The following NTM variants were observed in gnomAD, a reference collection of about 807,000 sequenced individuals.
NTM encodes the protein neurotrimin, also known as IgLON family member 2.
A neutral mutation model predicts 42.1 loss-of-function variants in NTM; 13 were observed. The ratio of observed to expected loss-of-function variants is 0.31; its 90% CI spans 0.20 to 0.49. NTM has a LOEUF of 0.49. Ranked by LOEUF, NTM falls within the 20% of genes least tolerant of loss-of-function variation. The pLI, the probability that NTM is intolerant of heterozygous loss-of-function variation, is 0.99. For synonymous variants in NTM, 187 were observed against 179.2 expected (o/e 1.04, Z -0.35); for missense variants, 373 against 452.8 (o/e 0.82, Z 1.60).
chr11:132,205,000 C>T (rs1248787242), intron 3 of NTM, among the ~76,000 whole-genome samples: 1 of 152,220 alleles, frequency 6.6e-6, no homozygotes, highest in Non-Finnish European at 1.5e-5. Flanking sequence ...AGTGTCTCTG[C>T]ACGTGGTCTG....
chr11:132,083,309 A>G (rs1174259349), intron 2 of NTM, among the ~76,000 whole-genome samples: 1 of 152,266 alleles, frequency 6.6e-6, no homozygotes, highest in Non-Finnish European at 1.5e-5. Context: ...GTTAAAAACA[A>G]ATAGTGATAG....
intron 1 of NTM, among the ~76,000 whole-genome samples, chr11:131,887,131 TGTAA>T (rs1439883567): frequency 6.6e-6 from 1 of 152,218 alleles, no homozygotes; most frequent in Non-Finnish European, 1.5e-5. Flanking sequence ...CAGATTAGAT[TGTAA>T]GTATTTTTGT....
Position 132,314,556 on chromosome 11 carries a change from A to C in NTM, c.787A>C (p.Ile263Leu), listed in dbSNP as rs1435491977. The C allele has an allele frequency of 6.2e-7, 1 of 1,611,884 alleles. No individual in the cohort carries two copies. The part of the protein sequence containing the change: ...FQWYKDDKRL[I>L]EGKKGVKVEN... ...TTTGTCTTTTGTTTCTCTCAGACTG[A>C]TTGAAGGAAAGAAAGGGGTGAAAGT... The change falls in exon 7 of 9, where the codon ATT becomes CTT. Residue 263 changes from isoleucine (I) to leucine (L), a missense_variant. Ile to Leu is a conservative substitution (Grantham distance 5). Around this residue, in one of 3 missense-constraint regions of NTM, gnomAD observed 312 missense variants for 353.5 expected, o/e 0.88. Coordinates refer to ENST00000683400, the MANE Select transcript of NTM (RefSeq NM_001352005.2).
chr11:132,125,939 AAGAG>A (rs1475450262), intron 2 of NTM, among the ~76,000 whole-genome samples: 1 of 151,042 alleles, frequency 6.6e-6, no homozygotes, highest in Non-Finnish European at 1.5e-5. Context: ...GTGTGTGTGT[AAGAG>A]AGATCAACAG....
intron 1 of NTM, among the ~76,000 whole-genome samples, chr11:131,374,864 C>G (rs116558547): frequency 6.6e-5 from 10 of 152,122 alleles, no homozygotes; most frequent in Non-Finnish European, 1.2e-4. Flanking sequence ...TTGTAATGCT[C>G]TTGCCATTCA....
At chr11:132,100,771 C>T (rs1269662086) in intron 2 of NTM, among the ~76,000 whole-genome samples, 1 of 152,180 alleles carries the variant, frequency 6.6e-6, no homozygotes, top group Non-Finnish European at 1.5e-5. Context: ...CATATACAGA[C>T]ACTGAGCTGT....
intron 1 of NTM, among the ~76,000 whole-genome samples, chr11:131,517,547 C>A (rs2136520968): frequency 6.6e-6 from 1 of 152,290 alleles, no homozygotes; most frequent in African/African-American, 2.4e-5. Flanking sequence ...CTCAGATATG[C>A]CCTCTCCACA....
chr11:131,735,358 A>G (rs2080279224), intron 1 of NTM, among the ~76,000 whole-genome samples: 1 of 152,218 alleles, frequency 6.6e-6, no homozygotes, highest in Admixed American at 6.5e-5. Context: ...TCGGAAACAT[A>G]GATGTAATGT....
chr11:131,500,383 T>C (rs115902227), intron 1 of NTM, among the ~76,000 whole-genome samples: 2,110 of 151,892 alleles, frequency 0.014, 45 homozygotes, highest in African/African-American at 0.048. Context: ...ATGAACCCTG[T>C]TCCCTGTGCT....
chr11:132,272,604 A>G (rs995517772), intron 4 of NTM, among the ~76,000 whole-genome samples: 3 of 152,064 alleles, frequency 2.0e-5, no homozygotes, highest in African/African-American at 7.2e-5. Flanking sequence ...TATTAAATTT[A>G]TTGCTAAGCA....
At chr11:132,236,108 G>T (rs1054589420) in intron 4 of NTM, among the ~76,000 whole-genome samples, 4 of 151,910 alleles carry the variant, frequency 2.6e-5, no homozygotes, top group African/African-American at 9.7e-5. Context: ...AAATGATTTC[G>T]TTGTCATTGA....
chr11:132,178,185 C>T (rs1408913975), intron 3 of NTM, among the ~76,000 whole-genome samples: 1 of 152,192 alleles, frequency 6.6e-6, no homozygotes, highest in Non-Finnish European at 1.5e-5. Flanking sequence ...CGCAGGATCT[C>T]ATCTCTTGCC....
At chr11:132,183,660 T>C (rs972398702) in intron 3 of NTM, among the ~76,000 whole-genome samples, 2 of 152,024 alleles carry the variant, frequency 1.3e-5, no homozygotes, top group African/African-American at 4.8e-5. Flanking sequence ...ACCAGACAAG[T>C]ATATCTTCTC....
At chr11:132,266,734 T>C (rs2093203068) in intron 4 of NTM, among the ~76,000 whole-genome samples, 1 of 152,214 alleles carries the variant, frequency 6.6e-6, no homozygotes, top group Non-Finnish European at 1.5e-5. Flanking sequence ...AGATTTAATA[T>C]GCTCATAACA....
intron 1 of NTM, among the ~76,000 whole-genome samples, chr11:131,497,956 T>C (rs1350056948): frequency 1.3e-5 from 2 of 152,182 alleles, no homozygotes; most frequent in East Asian, 1.9e-4. Flanking sequence ...CAGAATTAGC[T>C]TAGACTGTGT....
intron 1 of NTM, among the ~76,000 whole-genome samples, chr11:131,799,682 G>A (rs2091939291): frequency 6.6e-6 from 1 of 152,160 alleles, no homozygotes; most frequent in African/African-American, 2.4e-5. Context: ...GCTGATCCAA[G>A]CAGTAATGTC....
At chr11:131,654,385 A>G (rs1592380345) in intron 1 of NTM, among the ~76,000 whole-genome samples, 1 of 151,898 alleles carries the variant, frequency 6.6e-6, no homozygotes, top group Non-Finnish European at 1.5e-5. Flanking sequence ...AGGGGACCTC[A>G]CGGCCACAAG....
At chr11:131,602,261 A>T (rs1232854112) in intron 1 of NTM, among the ~76,000 whole-genome samples, 3 of 152,088 alleles carry the variant, frequency 2.0e-5, no homozygotes, top group East Asian at 3.9e-4. Context: ...AAACCCACCT[A>T]TCTCCAACAT....
intron 1 of NTM, among the ~76,000 whole-genome samples, chr11:131,651,456 A>G (rs1165062111): frequency 6.6e-6 from 1 of 152,230 alleles, no homozygotes; most frequent in African/African-American, 2.4e-5. Flanking sequence ...GCTGTGGAAT[A>G]AAGCTCATTC....
Sources: allele counts gnomAD v4.1 joint callset (sites outside exome capture counted in the v4.1 genomes callset), GRCh38; gene constraint gnomAD v4.1.1; regional missense constraint gnomAD v4.1.1; transcripts MANE v1.5; gene names NCBI Gene and HGNC (gene_info 2026-07-23, HGNC 2026-07-21).